THSD7A: variants seen among roughly 807,000 people sequenced by gnomAD.
THSD7A encodes thrombospondin type 1 domain containing 7A.
A neutral mutation model predicts 231.3 loss-of-function variants in THSD7A; 96 were observed. The observed-to-expected ratio is 0.41, with a 90% confidence interval of 0.35 to 0.49. THSD7A has a LOEUF of 0.49. Ranked by LOEUF, THSD7A falls within the 20% of genes least tolerant of loss-of-function variation. The pLI, the probability that THSD7A is intolerant of heterozygous loss-of-function variation, is 0.05. For synonymous variants in THSD7A, 940 were observed against 743.3 expected, an observed-to-expected ratio of 1.26 and a Z score of -4.30; for missense variants, 2,290 against 2,070.2, an observed-to-expected ratio of 1.11 and a Z score of -2.06.
intron 1 of THSD7A, among the ~76,000 whole-genome samples, chr7:11,787,623 A>C (rs1783831238): frequency 6.6e-6 from 1 of 152,128 alleles, no homozygotes; most frequent in Admixed American, 6.6e-5. Context: ...CACCAAAGAA[A>C]ATATACAGAT....
chr7:11,691,976 T>C (rs1331672802), intron 1 of THSD7A, among the ~76,000 whole-genome samples: 1 of 151,502 alleles, frequency 6.6e-6, no homozygotes, highest in Non-Finnish European at 1.5e-5. Flanking sequence ...TAAGCAGAGA[T>C]ACAAAAGGAA....
intron 1 of THSD7A, among the ~76,000 whole-genome samples, chr7:11,675,633 T>C (rs1398634774): frequency 6.6e-6 from 1 of 152,024 alleles, no homozygotes; most frequent in African/African-American, 2.4e-5. Flanking sequence ...TCTCACAGTG[T>C]AAAAAAAGCA....
intron 1 of THSD7A, among the ~76,000 whole-genome samples, chr7:11,738,136 A>G (rs891346803): frequency 3.9e-5 from 6 of 151,974 alleles, no homozygotes; most frequent in Admixed American, 2.6e-4. Context: ...CATTACACAG[A>G]CTGAGCATCC....
chr7:11,529,592 G>A (rs1335022315), intron 6 of THSD7A, among the ~76,000 whole-genome samples: 1 of 100,762 alleles, frequency 9.9e-6, no homozygotes, highest in Non-Finnish European at 1.9e-5. Flanking sequence ...GTGTTTGGCA[G>A]TTCCCCCTTT....
At chr7:11,635,016 C>T (rs181513580) in intron 2 of THSD7A, among the ~76,000 whole-genome samples, 1 of 151,944 alleles carries the variant, frequency 6.6e-6, no homozygotes, top group Non-Finnish European at 1.5e-5. Flanking sequence ...AACATGCATG[C>T]CACACAGTCC....
intron 1 of THSD7A, among the ~76,000 whole-genome samples, chr7:11,638,236 T>A (rs1384491634): frequency 6.6e-6 from 1 of 152,348 alleles, no homozygotes; most frequent in African/African-American, 2.4e-5. Flanking sequence ...GGATTCGCTC[T>A]ACGGATGAGA....
intron 1 of THSD7A, among the ~76,000 whole-genome samples, chr7:11,784,748 T>C (rs1783734547): frequency 6.6e-6 from 1 of 152,142 alleles, no homozygotes; most frequent in African/African-American, 2.4e-5. Flanking sequence ...CGAATAATGC[T>C]GGTTGTAGTT....
chr7:11,379,701 C>T lies in THSD7A; in HGVS notation c.4519G>A (p.Val1507Met), dbSNP rs1782433184. ...DGINVTGGCL[V>M]MSQPDADRSC... ...CTGTCGGCATCAGGCTGGCTCATCA[C>T]CAAGCAGCCCCCTGCGGAACAGAAA... Residue 1507 changes from valine (V) to methionine (M), a missense_variant, in exon 25 of 28, where the codon GTG becomes ATG. Coordinates refer to ENST00000423059, the MANE Select transcript of THSD7A (RefSeq NM_015204.3). The T allele has an allele frequency of 1.9e-6, 3 of 1,588,640 alleles. No individual in the cohort carries two copies. The highest frequency in any genetic ancestry group is 2.7e-5 in the African/African-American group (2 of 74,388).
At chr7:11,536,656 T>A (rs991126273) in intron 6 of THSD7A, among the ~76,000 whole-genome samples, 1 of 152,176 alleles carries the variant, frequency 6.6e-6, no homozygotes, top group African/African-American at 2.4e-5. Context: ...TTCTCTTTTC[T>A]GTATTTTGCT....
intron 14 of THSD7A, among the ~76,000 whole-genome samples, chr7:11,428,493 C>G (rs1489684050): frequency 6.6e-6 from 1 of 152,098 alleles, no homozygotes; most frequent in East Asian, 1.9e-4. Context: ...TGTTTTATAT[C>G]AAACACATTT....
intron 11 of THSD7A, among the ~76,000 whole-genome samples, chr7:11,455,116 C>T (rs1785265248): frequency 6.6e-6 from 1 of 151,536 alleles, no homozygotes; most frequent in East Asian, 1.9e-4. Flanking sequence ...CTCTCACTCC[C>T]CTTGCTTTCT....
chr7:11,825,007 A>C (rs938324584), intron 1 of THSD7A, among the ~76,000 whole-genome samples: 2 of 152,114 alleles, frequency 1.3e-5, no homozygotes, highest in Non-Finnish European at 2.9e-5. Context: ...GTCTACACAT[A>C]AGTGCCAAAC....
chr7:11,592,655 T>C (rs1780210401), intron 3 of THSD7A, among the ~76,000 whole-genome samples: 1 of 152,204 alleles, frequency 6.6e-6, no homozygotes, highest in African/African-American at 2.4e-5. Context: ...CCAACCCTTT[T>C]CCCCATATTA....
rs1328580413 is a variant in THSD7A, at chr7:11,636,241, C to A, written c.911G>T (p.Arg304Ile). The A allele has an allele frequency of 2.5e-6, 4 of 1,613,922 alleles. No individual in the cohort carries two copies. The highest frequency in any genetic ancestry group is 3.4e-6 in the Non-Finnish European group (4 of 1,179,920). ...TTGTCTGTTCTGCCTGTTTCTGTTT[C>A]TCTTTTTCTTAATAAGCTCGCGGGC... is the stretch of plus-strand genomic sequence containing the variant. ...PEARELIKKK[R>I]NRNRQNRQEN... Residue 304 changes from arginine (R) to isoleucine (I), a missense_variant, in exon 2 of 28, where the codon AGA becomes ATA. Arg to Ile is a moderately conservative substitution (Grantham distance 97). Coordinates refer to ENST00000423059, the MANE Select transcript of THSD7A (RefSeq NM_015204.3). The surrounding 1 kb of genome is among the most constrained non-coding windows in gnomAD (Gnocchi z 10.0).
intron 1 of THSD7A, among the ~76,000 whole-genome samples, chr7:11,755,789 G>A (rs1782654258): frequency 6.6e-6 from 1 of 152,048 alleles, no homozygotes; most frequent in South Asian, 2.1e-4. Context: ...CTTTTGATAA[G>A]TTTAAATTTC....
chr7:11,405,478 T>A (rs1783552424), intron 22 of THSD7A, among the ~76,000 whole-genome samples: 1 of 152,154 alleles, frequency 6.6e-6, no homozygotes. Flanking sequence ...ATACAGGTAA[T>A]TCATTTTCAA....
chr7:11,488,852 T>G (rs1011087183), intron 6 of THSD7A, among the ~76,000 whole-genome samples: 1 of 152,130 alleles, frequency 6.6e-6, no homozygotes, highest in African/African-American at 2.4e-5. Flanking sequence ...TGAACTGACA[T>G]GCTGCTTTTT....
intron 2 of THSD7A, among the ~76,000 whole-genome samples, chr7:11,631,611 G>A (rs778809513): frequency 1.5e-4 from 23 of 152,096 alleles, no homozygotes; most frequent in Middle Eastern, 3.4e-3. Context: ...AAAACAAAAC[G>A]TGGATTGGTC....
chr7:11,735,446 T>G (rs1562516231), intron 1 of THSD7A, among the ~76,000 whole-genome samples: 1 of 151,938 alleles, frequency 6.6e-6, no homozygotes, highest in Non-Finnish European at 1.5e-5. Context: ...ATGCACAAAA[T>G]TATTTGAAAT....
Sources: gnomAD v4.1 joint callset for allele counts (sites outside exome capture counted in the v4.1 genomes callset) on GRCh38, gnomAD v4.1.1 for gene constraint, Gnocchi (gnomAD v3.1) non-coding constraint, MANE v1.5 for transcripts, NCBI Gene and HGNC (gene_info 2026-07-23, HGNC 2026-07-21) for gene names.